MECOM: variants seen among roughly 807,000 people sequenced by gnomAD.
The protein encoded by MECOM is histone-lysine N-methyltransferase MECOM.
A neutral mutation model predicts 116.3 loss-of-function variants in MECOM; 13 were observed. That is an observed-to-expected ratio of 0.11 (90% CI 0.07 to 0.18). The LOEUF is 0.18. MECOM is among the 10% of genes least tolerant of loss of function. The pLI is 1.00. For missense variants in MECOM, 1,299 were observed against 1,509.0 expected, an observed-to-expected ratio of 0.86 and a Z score of 2.31; for synonymous variants, 528 against 535.2, an observed-to-expected ratio of 0.99 and a Z score of 0.19.
chr3:169,398,294 C>A (rs147505068), intron 1 of MECOM, among the ~76,000 whole-genome samples: 1 of 152,136 alleles, frequency 6.6e-6, no homozygotes, highest in East Asian at 1.9e-4. Context: ...TAAAGATTGC[C>A]ACTCATTTAT....
intron 7 of MECOM, among the ~76,000 whole-genome samples, chr3:169,118,879 G>A (rs1364484222): frequency 3.3e-5 from 5 of 152,104 alleles, no homozygotes; most frequent in South Asian, 2.1e-4. Flanking sequence ...CTTTGTTTTC[G>A]GCACTTGAAG....
chr3:169,090,342 T>C, intron 14 of MECOM, 106 bp from the exon 15 acceptor site: 1 of 961,444 alleles, frequency 1.0e-6, no homozygotes, highest in South Asian at 1.7e-5. Flanking sequence ...TTTCAACACT[T>C]AACATCGGAA....
At chr3:169,232,747 G>A (rs537537759) in intron 2 of MECOM, among the ~76,000 whole-genome samples, 6 of 152,066 alleles carry the variant, frequency 3.9e-5, no homozygotes, top group African/African-American at 1.4e-4. Context: ...TAAAATTCTT[G>A]AAAATATTCT....
intron 1 of MECOM, among the ~76,000 whole-genome samples, chr3:169,475,352 C>G (rs923778840): frequency 1.3e-5 from 2 of 152,090 alleles, no homozygotes; most frequent in African/African-American, 4.8e-5. Flanking sequence ...TTTATCAAGA[C>G]GGTTGAAGTG....
intron 1 of MECOM, among the ~76,000 whole-genome samples, chr3:169,547,116 TG>T (rs1253074983): frequency 6.6e-6 from 1 of 152,148 alleles, no homozygotes; most frequent in African/African-American, 2.4e-5. Context: ...GGGAGGAACT[TG>T]TTGGGAGGTG....
chr3:169,562,925 G>C (rs1054583512), intron 1 of MECOM, among the ~76,000 whole-genome samples: 1 of 151,894 alleles, frequency 6.6e-6, no homozygotes, highest in African/African-American at 2.4e-5. Flanking sequence ...TTAGCCAGGC[G>C]TGGTGGCAGG....
At chr3:169,199,186 A>G (rs1230855935) in intron 2 of MECOM, among the ~76,000 whole-genome samples, 1 of 152,110 alleles carries the variant, frequency 6.6e-6, no homozygotes, top group Non-Finnish European at 1.5e-5. Flanking sequence ...AGAGCAAAAT[A>G]AAGACTTATC....
At chr3:169,554,640 A>T (rs984798149) in intron 1 of MECOM, among the ~76,000 whole-genome samples, 1 of 152,226 alleles carries the variant, frequency 6.6e-6, no homozygotes, top group Non-Finnish European at 1.5e-5. Context: ...GCAAGGACAT[A>T]AAAACCAGAG....
chr3:169,516,302 A>G (rs1224796119), intron 1 of MECOM, among the ~76,000 whole-genome samples: 4 of 152,222 alleles, frequency 2.6e-5, no homozygotes, highest in Non-Finnish European at 4.4e-5. Context: ...AAAAGTTTTC[A>G]TACGACATTA....
chr3:169,543,197 T>C (rs1760310046), intron 1 of MECOM, among the ~76,000 whole-genome samples: 1 of 152,222 alleles, frequency 6.6e-6, no homozygotes, highest in Admixed American at 6.5e-5. Flanking sequence ...GAATGGGTCA[T>C]TATTCCATGC....
intron 10 of MECOM, among the ~76,000 whole-genome samples, chr3:169,102,995 T>C (rs1724112353): frequency 6.6e-6 from 1 of 151,688 alleles, no homozygotes. Flanking sequence ...AAGAAAACTA[T>C]CCCTGCCTAA....
At chr3:169,391,412 C>T (rs1444232732) in intron 1 of MECOM, among the ~76,000 whole-genome samples, 2 of 152,054 alleles carry the variant, frequency 1.3e-5, no homozygotes, top group African/African-American at 4.8e-5. Flanking sequence ...CAGTGTTAAA[C>T]AAGTTTAGAT....
chr3:169,110,581 C>A (rs1299543701), intron 9 of MECOM, among the ~76,000 whole-genome samples: 1 of 152,058 alleles, frequency 6.6e-6, no homozygotes, highest in Admixed American at 6.5e-5. Flanking sequence ...CCCTAAGCAC[C>A]CTGAGTGTTC....
chr3:169,517,890 A>T (rs1226306093), intron 1 of MECOM, among the ~76,000 whole-genome samples: 1 of 152,232 alleles, frequency 6.6e-6, no homozygotes, highest in East Asian at 1.9e-4. Context: ...CACTCAAGGA[A>T]TTTACATTCC....
chr3:169,442,763 T>G (rs1743945317), intron 1 of MECOM, among the ~76,000 whole-genome samples: 1 of 152,206 alleles, frequency 6.6e-6, no homozygotes, highest in Non-Finnish European at 1.5e-5. Context: ...ACTACTGGAC[T>G]CAAGGTGCCC....
chr3:169,605,556 G>A (rs1768424635), intron 1 of MECOM, among the ~76,000 whole-genome samples: 1 of 152,220 alleles, frequency 6.6e-6, no homozygotes, highest in Non-Finnish European at 1.5e-5. Flanking sequence ...GTGCCGGTCT[G>A]TGCTAGACGA....
chr3:169,247,786 A>G (rs2149573936), intron 2 of MECOM, among the ~76,000 whole-genome samples: 1 of 152,370 alleles, frequency 6.6e-6, no homozygotes, highest in Admixed American at 6.5e-5. Flanking sequence ...TACTTTTGGC[A>G]CTGAGAAATT....
chr3:169,230,831 T>C (rs934914232), intron 2 of MECOM, among the ~76,000 whole-genome samples: 4 of 152,166 alleles, frequency 2.6e-5, no homozygotes, highest in African/African-American at 9.7e-5. Context: ...TGCCGCAACA[T>C]ACAGAATTGT....
chr3:169,330,658 C>T (rs1201449674), intron 2 of MECOM, among the ~76,000 whole-genome samples: 1 of 151,884 alleles, frequency 6.6e-6, no homozygotes, highest in Admixed American at 6.6e-5. Context: ...AATAAGTTTT[C>T]TTGTGTTTTT....
Sources: allele counts gnomAD v4.1 joint callset (sites outside exome capture counted in the v4.1 genomes callset), GRCh38; gene constraint gnomAD v4.1.1; transcripts MANE v1.5; gene names NCBI Gene and HGNC (gene_info 2026-07-23, HGNC 2026-07-21).